The following GPC5 variants were observed in gnomAD, a reference collection of about 807,000 sequenced individuals.
GPC5 encodes glypican 5.
A neutral mutation model predicts 53.9 loss-of-function variants in GPC5; 47 were observed. The observed-to-expected ratio is 0.87, with a 90% confidence interval of 0.69 to 1.11. The LOEUF is 1.11. GPC5 is among the 50% of genes most tolerant of loss of function. The pLI is 0.00. For missense variants in GPC5, 748 were observed against 713.1 expected (o/e 1.05, Z -0.56); for synonymous variants, 286 against 263.3 (o/e 1.09, Z -0.84).
chr13:91,873,561 G>C (rs1471050136), intron 5 of GPC5, among the ~76,000 whole-genome samples: 1 of 152,112 alleles, frequency 6.6e-6, no homozygotes, highest in East Asian at 1.9e-4. Context: ...TCTCTTGTCG[G>C]CCGCCATGTG....
intron 7 of GPC5, among the ~76,000 whole-genome samples, chr13:92,337,414 C>A (rs1373045430): frequency 1.3e-5 from 2 of 152,008 alleles, no homozygotes; most frequent in African/African-American, 4.8e-5. Flanking sequence ...TCACAGCAAG[C>A]TATTTTATAT....
At chr13:91,845,681 C>A (rs1416855911) in intron 5 of GPC5, among the ~76,000 whole-genome samples, 1 of 152,088 alleles carries the variant, frequency 6.6e-6, no homozygotes, top group Non-Finnish European at 1.5e-5. Context: ...AGAAAAGAAC[C>A]ATTCCCTCAA....
At chr13:92,138,761 C>T (rs2041806173) in intron 6 of GPC5, among the ~76,000 whole-genome samples, 1 of 151,814 alleles carries the variant, frequency 6.6e-6, no homozygotes, top group Non-Finnish European at 1.5e-5. Context: ...AGGATGGAGC[C>T]AACACAGCAC....
chr13:91,452,266 A>G lies in GPC5; in HGVS notation c.325+3344A>G, dbSNP rs138357776. The stretch of plus-strand genomic sequence containing the variant: ...TCCGAAGTGCTGGGATTATAGGCAT[A>G]AGCCACCATGCCTGGCCAAAAATCT... On this transcript the variant is annotated intron_variant, in intron 2 of 7. Transcript: ENST00000377067. Among the ~76,000 whole-genome samples the G allele has an allele frequency of 4.5e-3, 691 of 151,948 alleles. 5 individuals carry two copies. The highest frequency in any genetic ancestry group is 8.2e-3 in the Non-Finnish European group (558 of 67,928).
At chr13:92,370,864 G>T (rs2043644672) in intron 7 of GPC5, among the ~76,000 whole-genome samples, 1 of 151,904 alleles carries the variant, frequency 6.6e-6, no homozygotes, top group Non-Finnish European at 1.5e-5. Flanking sequence ...GATCTTCTTG[G>T]CTGGGCACAG....
At chr13:91,872,059 G>C (rs1440679175) in intron 5 of GPC5, among the ~76,000 whole-genome samples, 1 of 152,028 alleles carries the variant, frequency 6.6e-6, no homozygotes. Flanking sequence ...AGACTGCCAA[G>C]GTGTGGATGG....
intron 7 of GPC5, among the ~76,000 whole-genome samples, chr13:92,219,512 C>A (rs931727305): frequency 1.3e-5 from 2 of 152,046 alleles, no homozygotes; most frequent in Admixed American, 6.6e-5. Flanking sequence ...CTTTCCACAC[C>A]CAAGTAACAC....
At chr13:91,528,731 G>T (rs1044322094) in intron 2 of GPC5, among the ~76,000 whole-genome samples, 5 of 152,220 alleles carry the variant, frequency 3.3e-5, no homozygotes, top group African/African-American at 1.2e-4. Flanking sequence ...AGAAAGGAAA[G>T]AGGTTTAATG....
In GPC5 at chr13:91,530,666, C is replaced by T. The variant is rs9589278; in HGVS notation, c.325+81744C>T. Among the ~76,000 whole-genome samples the T allele has an allele frequency of 7.3e-3, 1,110 of 152,196 alleles. 14 individuals are homozygous for T. The highest frequency in any genetic ancestry group is 0.026 in the African/African-American group (1,063 of 41,510). On this transcript the variant is annotated intron_variant, in intron 2 of 7. Coordinates refer to ENST00000377067, the MANE Select transcript of GPC5 (RefSeq NM_004466.6). Reference sequence around the variant, plus strand: ...GCATGCATTTTGGCATTTGTGAAATCGTTACATTTAATTTATTATAACCCA... The same window carrying T: ...GCATGCATTTTGGCATTTGTGAAATTGTTACATTTAATTTATTATAACCCA...
At chr13:92,600,465 T>C (rs547875801) in intron 7 of GPC5, among the ~76,000 whole-genome samples, 5 of 150,886 alleles carry the variant, frequency 3.3e-5, no homozygotes, top group Non-Finnish European at 7.4e-5. Flanking sequence ...TCCCATGTGT[T>C]TTTTTTTCTT....
At chr13:92,441,016 C>T (rs762071747) in intron 7 of GPC5, among the ~76,000 whole-genome samples, 34 of 151,986 alleles carry the variant, frequency 2.2e-4, no homozygotes, top group Non-Finnish European at 4.7e-4. Flanking sequence ...CTTTTTATTC[C>T]TATGATAGTT....
chr13:91,610,944 G>A (rs1198778017), intron 2 of GPC5, among the ~76,000 whole-genome samples: 1 of 152,056 alleles, frequency 6.6e-6, no homozygotes, highest in Admixed American at 6.6e-5. Flanking sequence ...AAGGCATGGG[G>A]GTCCTAACAC....
At chr13:92,464,026 A>G (rs765534406) in intron 7 of GPC5, among the ~76,000 whole-genome samples, 9 of 152,208 alleles carry the variant, frequency 5.9e-5, no homozygotes, top group Admixed American at 1.3e-4. Context: ...TGCTGTGTAT[A>G]TATCGTTTCA....
intron 2 of GPC5, among the ~76,000 whole-genome samples, chr13:91,532,768 A>G (rs1189851222): frequency 6.6e-6 from 1 of 152,106 alleles, no homozygotes; most frequent in African/African-American, 2.4e-5. Flanking sequence ...CGGGAGGCTG[A>G]CGTGGGAGGA....
At chr13:92,613,455 T>A (rs1441969463) in intron 7 of GPC5, among the ~76,000 whole-genome samples, 2 of 105,506 alleles carry the variant, frequency 1.9e-5, no homozygotes, top group African/African-American at 7.7e-5. Context: ...TATATTTATA[T>A]ATAAATATGT....
intron 6 of GPC5, among the ~76,000 whole-genome samples, chr13:91,909,832 C>T (rs1312820631): frequency 6.6e-6 from 1 of 152,098 alleles, no homozygotes; most frequent in Non-Finnish European, 1.5e-5. Context: ...AACACCACCC[C>T]CCTCCTCTGC....
At chr13:91,720,645 A>C (rs2036443531) in intron 3 of GPC5, among the ~76,000 whole-genome samples, 1 of 152,178 alleles carries the variant, frequency 6.6e-6, no homozygotes, top group Admixed American at 6.5e-5. Context: ...CTTTCAGTTC[A>C]GGTAACTAAC....
rs568738892 is a variant in GPC5 at position 91,728,734 on chromosome 13, C to T, written c.1154+69C>T. On this transcript the variant is annotated intron_variant, in intron 4 of 7. Coordinates refer to ENST00000377067, the MANE Select transcript of GPC5 (RefSeq NM_004466.6). Reference sequence around the variant, plus strand: ...CCATTAATTTTACAACAGAATAGAACATATTCAATTAAATCGAATAAAATT... The same window carrying T: ...CCATTAATTTTACAACAGAATAGAATATATTCAATTAAATCGAATAAAATT... The T allele has an allele frequency of 7.8e-6, 11 of 1,407,026 alleles. No individual in the cohort carries two copies. In the South Asian group the frequency reaches 1.0e-4, roughly 13 times the overall value. The allele number at this position is 1,407,026 out of a possible 1,614,324, so 87.2% of individuals were successfully genotyped here.
At chr13:91,493,493 C>T (rs1884051521) in intron 2 of GPC5, among the ~76,000 whole-genome samples, 1 of 152,128 alleles carries the variant, frequency 6.6e-6, no homozygotes, top group African/African-American at 2.4e-5. Context: ...TTCTCCCCTA[C>T]TCCCCACAAC....
Sources: allele counts gnomAD v4.1 joint callset (sites outside exome capture counted in the v4.1 genomes callset), GRCh38; gene constraint gnomAD v4.1.1; transcripts MANE v1.5; gene names NCBI Gene and HGNC (gene_info 2026-07-23, HGNC 2026-07-21).